ABCA12: variants seen among roughly 807,000 people sequenced by gnomAD.
The protein encoded by ABCA12 is ATP binding cassette subfamily A member 12, also known as glucosylceramide transporter ABCA12.
In ABCA12, 156 loss-of-function variants were observed where a neutral mutation model predicts 293.5. The observed-to-expected ratio is 0.53, with a 90% CI of 0.47 to 0.61. The LOEUF is 0.61. Among genes scored for constraint, ABCA12 ranks in the 20% least tolerant of loss-of-function variants. The probability of loss-of-function intolerance (pLI) is 0.00; values close to 1 mark genes in which losing one functional copy is unlikely to be tolerated. For missense variants in ABCA12, 2,797 were observed against 3,090.2 expected (o/e 0.91, Z 2.25); for synonymous variants, 1,063 against 1,108.0 (o/e 0.96, Z 0.81).
At chr2:214,963,337 C>A (rs1166967169) in intron 39 of ABCA12, 1 of 151,904 alleles carries the variant, frequency 6.6e-6, no homozygotes, top group Non-Finnish European at 1.5e-5. Context: ...AATTTCTGGA[C>A]ACATATACCC....
intron 11 of ABCA12, among the ~76,000 whole-genome samples, chr2:215,024,779 A>G (rs1244378210): frequency 6.6e-6 from 1 of 152,186 alleles, no homozygotes; most frequent in Non-Finnish European, 1.5e-5. Context: ...TGTAAATCCA[A>G]TTAAATAGCT....
chr2:215,089,091 C>A (rs1702091591), intron 2 of ABCA12, among the ~76,000 whole-genome samples: 2 of 151,960 alleles, frequency 1.3e-5, no homozygotes, highest in African/African-American at 4.8e-5. Flanking sequence ...TCAGAACATT[C>A]TCCTGGAGAT....
At chr2:215,045,569 T>A (rs142514570) in intron 7 of ABCA12, among the ~76,000 whole-genome samples, 25 of 152,276 alleles carry the variant, frequency 1.6e-4, no homozygotes, top group African/African-American at 5.1e-4. Flanking sequence ...TACACCTCAT[T>A]CTTAGAAGCT....
At chr2:214,955,872 A>G (rs1228989431) in intron 42 of ABCA12, among the ~76,000 whole-genome samples, 1 of 152,182 alleles carries the variant, frequency 6.6e-6, no homozygotes, top group Non-Finnish European at 1.5e-5. Flanking sequence ...CATCATTAAA[A>G]CTACAAATTA....
intron 48 of ABCA12, among the ~76,000 whole-genome samples, chr2:214,945,923 G>A (rs1410885413): frequency 6.6e-6 from 1 of 152,150 alleles, no homozygotes; most frequent in Non-Finnish European, 1.5e-5. Context: ...CTGGAGGCTG[G>A]AGGCATAGCG....
intron 2 of ABCA12, among the ~76,000 whole-genome samples, chr2:215,069,687 C>T (rs1431327449): frequency 6.6e-6 from 1 of 152,132 alleles, no homozygotes; most frequent in Non-Finnish European, 1.5e-5. Flanking sequence ...CTGTCCACCA[C>T]CCACCTTCAG....
At chr2:215,067,556 G>T (rs1701661200) in intron 2 of ABCA12, among the ~76,000 whole-genome samples, 1 of 152,134 alleles carries the variant, frequency 6.6e-6, no homozygotes, top group African/African-American at 2.4e-5. Context: ...CCCATCTCCA[G>T]GAGAAAAGCT....
In ABCA12 at chr2:215,068,093, A is replaced by G. The variant is rs567424250; in HGVS notation, c.164-3874T>C. Among the ~76,000 whole-genome samples, 11 of 152,246 alleles carry G rather than the reference A, an allele frequency of 7.2e-5. No individual in the cohort carries two copies. The South Asian group carries it at 2.3e-3, about 32-fold the overall frequency. On this transcript the variant is annotated intron_variant, in intron 2 of 52. Coordinates refer to ENST00000272895, the MANE Select transcript of ABCA12 (RefSeq NM_173076.3). ...AACACTGTCAGTGTGACAGAATGTAAAGATTAGAGTGATGGTTCTCCAAGT... is the reference window on the plus strand; with the variant it reads ...AACACTGTCAGTGTGACAGAATGTAGAGATTAGAGTGATGGTTCTCCAAGT...
chr2:215,130,169 A>G (rs1703022388), intron 1 of ABCA12, among the ~76,000 whole-genome samples: 1 of 151,038 alleles, frequency 6.6e-6, no homozygotes, highest in Admixed American at 6.6e-5. Context: ...ATGTCTCCAG[A>G]TTTGTCCTTT....
chr2:214,981,412 A>G (rs1699649791), intron 30 of ABCA12, among the ~76,000 whole-genome samples: 1 of 152,198 alleles, frequency 6.6e-6, no homozygotes, highest in South Asian at 2.1e-4. Flanking sequence ...ACATCCTGTC[A>G]GCACTTACTT....
intron 1 of ABCA12, among the ~76,000 whole-genome samples, chr2:215,115,831 G>A (rs1413765830): frequency 3.3e-5 from 5 of 152,178 alleles, no homozygotes; most frequent in East Asian, 1.9e-4. Context: ...TACCCAGTGA[G>A]GGAAGTGGGG....
chr2:214,997,085 C>T (rs184762068), intron 23 of ABCA12, among the ~76,000 whole-genome samples: 22 of 152,008 alleles, frequency 1.4e-4, no homozygotes, highest in Admixed American at 1.2e-3. Flanking sequence ...AAGAACGTGC[C>T]CAGAAAGAGG....
chr2:215,045,713 G>A (rs1575007364), intron 7 of ABCA12, 124 bp downstream of exon 7: 1 of 869,044 alleles, frequency 1.2e-6, no homozygotes, highest in Non-Finnish European at 1.8e-6. Context: ...TCTGCAATAA[G>A]AGGCTGAAGG....
intron 7 of ABCA12, among the ~76,000 whole-genome samples, chr2:215,041,551 C>CAAAAA (rs74770979): frequency 1.3e-4 from 11 of 86,494 alleles, no homozygotes; most frequent in Admixed American, 3.9e-4. Flanking sequence ...GACTCCATCT[C>CAAAAA]AAAAAAAAAA....
chr2:215,027,126 C>A (rs1700765068), intron 9 of ABCA12, among the ~76,000 whole-genome samples, 188 bp from the exon 10 acceptor site: 1 of 152,002 alleles, frequency 6.6e-6, no homozygotes, highest in African/African-American at 2.4e-5. Context: ...GAGCGGATCA[C>A]GAGGTCACGA....
At chr2:214,940,537 T>C (rs879010484) in intron 50 of ABCA12, among the ~76,000 whole-genome samples, 1 of 152,212 alleles carries the variant, frequency 6.6e-6, no homozygotes, top group African/African-American at 2.4e-5. Flanking sequence ...TCAGAAGGAA[T>C]GGTACCAGCT....
intron 2 of ABCA12, among the ~76,000 whole-genome samples, chr2:215,070,849 A>T (rs1701722695): frequency 1.3e-5 from 2 of 152,248 alleles, no homozygotes; most frequent in South Asian, 2.1e-4. Context: ...TGTACTAAAA[A>T]GTGTATGTTT....
chr2:215,095,975 G>C (rs916885060), intron 2 of ABCA12, among the ~76,000 whole-genome samples: 7 of 152,134 alleles, frequency 4.6e-5, no homozygotes, highest in African/African-American at 1.7e-4. Flanking sequence ...GTGATTAAAA[G>C]CTTTATTGCT....
chr2:215,008,008 C>T (rs1208467416), intron 18 of ABCA12, among the ~76,000 whole-genome samples, 162 bp from the exon 19 acceptor site: 1 of 152,126 alleles, frequency 6.6e-6, no homozygotes, highest in African/African-American at 2.4e-5. Flanking sequence ...TCAAAAGTTT[C>T]AAATGACAGC....
Sources: allele counts gnomAD v4.1 joint callset (sites outside exome capture counted in the v4.1 genomes callset), GRCh38; gene constraint gnomAD v4.1.1; transcripts MANE v1.5; gene names NCBI Gene and HGNC (gene_info 2026-07-23, HGNC 2026-07-21).